STRADA: variants seen among roughly 807,000 people sequenced by gnomAD.
STRADA encodes STE20-related kinase adapter protein alpha.
A neutral mutation model predicts 55.0 loss-of-function variants in STRADA; 26 were observed. The observed-to-expected ratio is 0.47, with a 90% CI of 0.35 to 0.66. STRADA has a LOEUF of 0.66. STRADA is among the 30% of genes least tolerant of loss of function. The pLI is 0.01. For missense variants in STRADA, 443 were observed against 549.7 expected, an observed-to-expected ratio of 0.81 and a Z score of 1.94; for synonymous variants, 197 against 210.9, an observed-to-expected ratio of 0.93 and a Z score of 0.57.
chr17:63,706,384 C>T (rs1260487589), intron 10 of STRADA: 1 of 460,702 alleles, frequency 2.2e-6, no homozygotes, highest in Admixed American at 3.8e-5. Context: ...AGACATGTAG[C>T]GTGTGGGCCT....
intron 4 of STRADA, chr17:63,718,794 C>T (rs1378971551): frequency 6.6e-6 from 1 of 152,230 alleles, no homozygotes; most frequent in Non-Finnish European, 1.5e-5. Context: ...ACCTCCTCAA[C>T]ATCACTGATG....
chr17:63,726,101 A>G (rs1250706669), intron 3 of STRADA: 1 of 152,310 alleles, frequency 6.6e-6, no homozygotes, highest in Non-Finnish European at 1.5e-5. Flanking sequence ...GTTCCCAAAA[A>G]GGCTCACTTT....
chr17:63,723,529 A>G (rs1042798393), intron 3 of STRADA: 3 of 590,780 alleles, frequency 5.1e-6, no homozygotes, highest in African/African-American at 3.7e-5. Context: ...GGCTTTAAAC[A>G]TGGATCTATG....
chr17:63,739,140 C>CAAAA (rs35963636), intron 1 of STRADA, among the ~76,000 whole-genome samples: 5 of 69,364 alleles, frequency 7.2e-5, no homozygotes, highest in South Asian at 6.6e-4. Flanking sequence ...GACTCCATCT[C>CAAAA]AAAAAAAAAA....
At chr17:63,740,109 C>T (rs8070856) in intron 1 of STRADA, among the ~76,000 whole-genome samples, 9,377 of 40,902 alleles carry the variant, frequency 0.23, 1,641 homozygotes, top group South Asian at 0.39. Context: ...TATATATATA[C>T]ATACATACAT....
At chr17:63,739,612 C>T (rs770750767) in intron 1 of STRADA, among the ~76,000 whole-genome samples, 5 of 151,240 alleles carry the variant, frequency 3.3e-5, no homozygotes, top group Non-Finnish European at 4.4e-5. Context: ...TATATCCACA[C>T]TTATCAAAAA....
At chr17:63,719,639 A>G (rs2037152920) in intron 4 of STRADA, among the ~76,000 whole-genome samples, 1 of 152,122 alleles carries the variant, frequency 6.6e-6, no homozygotes, top group African/African-American at 2.4e-5. Flanking sequence ...GCGTGCTACC[A>G]TGCCCGGCTA....
At chr17:63,719,791 A>G (rs1335924650) in intron 4 of STRADA, among the ~76,000 whole-genome samples, 3 of 151,908 alleles carry the variant, frequency 2.0e-5, no homozygotes, top group African/African-American at 4.8e-5. Flanking sequence ...GCAGATAGAT[A>G]CTTCATTACC....
At position 63,702,839 on chromosome 17, in the gene STRADA, G is replaced by C. The variant is rs1043160526; in HGVS notation, c.*760C>G. 6.6e-6 allele frequency: 1 copy of C among 152,634 alleles called. No homozygotes were observed. The highest frequency in any genetic ancestry group is 1.5e-5 in the Non-Finnish European group (1 of 68,110). The allele number at this position is 152,634 out of a possible 1,614,324, so 9.5% of individuals were successfully genotyped here. On this transcript the variant is annotated 3_prime_UTR_variant, in exon 13 of 13. Transcript: ENST00000336174. ...GACGCAGACACAATGCCATTCTCCA[G>C]CAGCGTCTCTGAAAATTTTAATTTG...
chr17:63,735,678 A>G (rs1025389208), intron 1 of STRADA, among the ~76,000 whole-genome samples: 1 of 152,222 alleles, frequency 6.6e-6, no homozygotes, highest in Admixed American at 6.5e-5. Flanking sequence ...AATTTCAATA[A>G]ATTTCTAGGA....
At chr17:63,707,730 T>C (rs947124593) in intron 8 of STRADA, among the ~76,000 whole-genome samples, 1 of 151,458 alleles carries the variant, frequency 6.6e-6, no homozygotes, top group Non-Finnish European at 1.5e-5. Flanking sequence ...CAGCTAATTT[T>C]TTTTTTTCTT....
chr17:63,732,478 T>A (rs2038134970), intron 1 of STRADA, among the ~76,000 whole-genome samples: 1 of 149,996 alleles, frequency 6.7e-6, no homozygotes, highest in Non-Finnish European at 1.5e-5. Flanking sequence ...AGAAGCTGCC[T>A]GGCTAGTTAA....
intron 6 of STRADA, among the ~76,000 whole-genome samples, chr17:63,711,763 A>G (rs2036515171): frequency 6.6e-6 from 1 of 151,968 alleles, no homozygotes; most frequent in Non-Finnish European, 1.5e-5. Context: ...GCGAAACCCC[A>G]TCTATATGAA....
intron 4 of STRADA, among the ~76,000 whole-genome samples, chr17:63,716,027 T>C (rs1212734004): frequency 2.0e-5 from 3 of 152,152 alleles, no homozygotes; most frequent in Admixed American, 6.5e-5. Flanking sequence ...AATCAACTGT[T>C]TGAGACAATG....
rs2036636171 is a variant in STRADA at position 63,713,405 on chromosome 17, C to T, written c.348+1G>A. 1.2e-6 allele frequency: 2 copies of T among 1,613,538 alleles called. No individual in the cohort carries two copies. The highest frequency in any genetic ancestry group is 2.2e-5 in the East Asian group (1 of 44,850). ...CATGTGACACACTCATGGTTTATTA[C>T]CTGCAAGAATGTTACCATCTCATTG... On this transcript the variant is annotated splice_donor_variant, in intron 6 of 12. Coordinates refer to ENST00000336174, the MANE Select transcript of STRADA (RefSeq NM_001003787.4). LOFTEE classifies it high-confidence loss of function.
intron 1 of STRADA, among the ~76,000 whole-genome samples, chr17:63,738,782 G>C (rs1286286178): frequency 6.6e-6 from 1 of 151,854 alleles, no homozygotes. Flanking sequence ...GCAGTGAGCT[G>C]TGATTGTGCT....
intron 4 of STRADA, among the ~76,000 whole-genome samples, chr17:63,721,097 G>A (rs998357561): frequency 2.1e-4 from 31 of 150,602 alleles, no homozygotes; most frequent in Middle Eastern, 3.6e-3. Flanking sequence ...GCTCCGGCTG[G>A]GCGTGGTGGC....
intron 4 of STRADA, among the ~76,000 whole-genome samples, chr17:63,715,976 A>G (rs2036846405): frequency 1.3e-5 from 2 of 152,174 alleles, no homozygotes; most frequent in South Asian, 4.1e-4. Flanking sequence ...AAAGCTTGTA[A>G]TTAGGAGTGG....
chr17:63,726,695 G>A lies in STRADA; in HGVS notation c.37C>T (p.Arg13Trp), dbSNP rs35808156. Residue 13 changes from arginine to tryptophan, a missense_variant and splice_region_variant, in exon 3 of 13, where the codon CGG (arginine) becomes TGG (tryptophan). Arg to Trp is a moderately radical substitution (Grantham distance 101). Coordinates refer to ENST00000336174, the MANE Select transcript of STRADA (RefSeq NM_001003787.4). ...FLVSKPERIR[R>W]WVSEKFIVEG... Reference sequence around the variant, plus strand: ...ACAATGAACTTTTCCGAGACCCACCGCTAAAGAGGAAAACCCCAAAGAGAA... The same window carrying A: ...ACAATGAACTTTTCCGAGACCCACCACTAAAGAGGAAAACCCCAAAGAGAA... 1.5e-4 allele frequency: 246 copies of A among 1,613,874 alleles called. No homozygotes were observed. Among genetic ancestry groups the A allele is most frequent in the Non-Finnish European group, 1.8e-4 (209 of 1,179,926 alleles).
Sources: allele counts gnomAD v4.1 joint callset (sites outside exome capture counted in the v4.1 genomes callset), GRCh38; gene constraint gnomAD v4.1.1; transcripts MANE v1.5; gene names NCBI Gene and HGNC (gene_info 2026-07-23, HGNC 2026-07-21).